Variants in ABCG8 observed in about 807,000 individuals in gnomAD.
ABCG8 encodes the protein ATP binding cassette subfamily G member 8, also known as ATP-binding cassette sub-family G member 8.
In ABCG8, 81 loss-of-function variants were observed where a neutral mutation model predicts 71.3. The ratio of observed to expected loss-of-function variants is 1.14; its 90% CI spans 0.95 to 1.37. The LOEUF is 1.37. Among genes scored for constraint, ABCG8 ranks in the 40% most tolerant of loss-of-function variants. The pLI is 0.00. For synonymous variants in ABCG8, 451 were observed against 354.7 expected (o/e 1.27, Z -3.05); for missense variants, 1,119 against 866.2 (o/e 1.29, Z -3.66).
At chr2:43,858,505 TCTCA>T (rs560744476) in intron 6 of ABCG8, among the ~76,000 whole-genome samples, 83 of 151,732 alleles carry the variant, frequency 5.5e-4, no homozygotes, top group African/African-American at 1.9e-3. Context: ...TGAATAGTAC[TCTCA>T]CTATCTATCT....
chr2:43,850,121 G>A (rs1446263081), intron 3 of ABCG8, among the ~76,000 whole-genome samples: 3 of 152,144 alleles, frequency 2.0e-5, no homozygotes, highest in Non-Finnish European at 4.4e-5. Flanking sequence ...CTACTCAGGA[G>A]GCTGAGGCAG....
intron 6 of ABCG8, among the ~76,000 whole-genome samples, chr2:43,863,742 C>T (rs1049085882): frequency 2.0e-5 from 3 of 151,596 alleles, no homozygotes; most frequent in Admixed American, 6.6e-5. Context: ...CTCTCACTAT[C>T]TGTCTGGATA....
At chr2:43,853,709 C>T (rs996616047) in intron 6 of ABCG8, among the ~76,000 whole-genome samples, 6 of 152,194 alleles carry the variant, frequency 3.9e-5, no homozygotes, top group Admixed American at 6.5e-5. Context: ...CCGGCCAGGC[C>T]AAGGCCATCT....
At chr2:43,839,392 T>C (rs1282155446) in intron 1 of ABCG8, among the ~76,000 whole-genome samples, 2 of 146,846 alleles carry the variant, frequency 1.4e-5, no homozygotes, top group East Asian at 2.0e-4. Flanking sequence ...TTTTCTTTTT[T>C]CTTTTCTTCT....
rs778687007 is a variant in ABCG8, at chr2:43,872,154, A to ACT, written c.1127+19_1127+20dup. 1 of 1,613,916 alleles carries ACT rather than the reference A, an allele frequency of 6.2e-7. No individual in the cohort carries two copies. The highest frequency in any genetic ancestry group is 8.5e-7 in the Non-Finnish European group (1 of 1,180,000). ...GTGTGGAAAGGTAAGGTGGCAGGCG[A>ACT]CTCTGAGAGGAGAGCTCCCTGCAGA... On this transcript the variant is annotated intron_variant, in intron 7 of 12. Transcript: ENST00000272286.
At chr2:43,855,270 C>T (rs1401231019) in intron 6 of ABCG8, among the ~76,000 whole-genome samples, 1 of 152,146 alleles carries the variant, frequency 6.6e-6, no homozygotes, top group Admixed American at 6.5e-5. Flanking sequence ...AGAATTCTCA[C>T]TCTCTGTATA....
At chr2:43,862,228 C>G (rs936674873) in intron 6 of ABCG8, among the ~76,000 whole-genome samples, 12 of 150,834 alleles carry the variant, frequency 8.0e-5, no homozygotes, top group East Asian at 1.9e-4. Context: ...AGAACTCTCA[C>G]TATCTGTCTG....
intron 6 of ABCG8, among the ~76,000 whole-genome samples, chr2:43,862,430 G>A (rs1396932733): frequency 1.4e-5 from 2 of 140,102 alleles, no homozygotes; most frequent in Non-Finnish European, 3.2e-5. Context: ...ATCACCAACT[G>A]TATAGAACTC....
chr2:43,846,373 G>A, intron 3 of ABCG8, 62 bp downstream of exon 3: 2 of 1,608,422 alleles, frequency 1.2e-6, no homozygotes, highest in Non-Finnish European at 1.7e-6. Context: ...TGGTCCTTTG[G>A]ACAAATGGAT....
chr2:43,873,189 A>ATTTT (rs71393209), intron 8 of ABCG8, among the ~76,000 whole-genome samples: 3 of 140,508 alleles, frequency 2.1e-5, no homozygotes, highest in African/African-American at 5.2e-5. Context: ...TTGAGCGTAC[A>ATTTT]TTTTTTTTTT....
At chr2:43,843,167 T>G (rs367725430) in intron 1 of ABCG8, among the ~76,000 whole-genome samples, 62 of 152,350 alleles carry the variant, frequency 4.1e-4, no homozygotes, top group African/African-American at 1.4e-3. Flanking sequence ...CGTAATCACC[T>G]GTCTCATCTG....
chr2:43,842,155 G>C (rs1264047864), intron 1 of ABCG8, among the ~76,000 whole-genome samples: 1 of 152,072 alleles, frequency 6.6e-6, no homozygotes, highest in Non-Finnish European at 1.5e-5. Flanking sequence ...GACTATAGGG[G>C]TGTGCCACCA....
At chr2:43,860,349 T>C (rs528012727) in intron 6 of ABCG8, among the ~76,000 whole-genome samples, 1 of 151,258 alleles carries the variant, frequency 6.6e-6, no homozygotes, top group South Asian at 2.1e-4. Flanking sequence ...GAACTCTCAC[T>C]ATTTGGATAG....
chr2:43,847,131 A>C (rs1668769919), intron 3 of ABCG8: 1 of 152,414 alleles, frequency 6.6e-6, no homozygotes, highest in African/African-American at 2.4e-5. Context: ...TGGTTTCATC[A>C]TTCTCGGATC....
intron 10 of ABCG8, 67 bp downstream of exon 10, chr2:43,874,550 G>A (rs544550480): frequency 6.3e-5 from 85 of 1,349,448 alleles, no homozygotes; most frequent in African/African-American, 4.4e-4. Context: ...TGGAGAAAAC[G>A]TTGCTACAAG....
chr2:43,862,822 T>G (rs1428756230), intron 6 of ABCG8, among the ~76,000 whole-genome samples: 1 of 150,508 alleles, frequency 6.6e-6, no homozygotes, highest in Admixed American at 6.6e-5. Flanking sequence ...TGGTTAGCAC[T>G]CTTACTAACT....
chr2:43,846,299 A>G lies in ABCG8; in HGVS notation c.310A>G (p.Ile104Val). The change falls in exon 3 of 13, where the codon ATA (isoleucine) becomes GTA (valine). Residue 104 changes from isoleucine to valine, a missense_variant. Ile to Val is a conservative substitution (Grantham distance 29, BLOSUM62 3). Coordinates refer to ENST00000272286, the MANE Select transcript of ABCG8 (RefSeq NM_022437.3). Reference sequence around the variant, plus strand: ...GAGAAGTGGGCAGATGCTGGCCATCATAGGGAGCTCAGGTACCGGAAAGGC... The same window carrying G: ...GAGAAGTGGGCAGATGCTGGCCATCGTAGGGAGCTCAGGTACCGGAAAGGC... ...KVRSGQMLAI[I>V]GSSGCGRASL... 6.2e-7 allele frequency: 1 copy of G among 1,614,198 alleles called. No individual in the cohort carries two copies. Among genetic ancestry groups the G allele is most frequent in the Non-Finnish European group, 8.5e-7 (1 of 1,180,030 alleles).
In ABCG8 at chr2:43,873,926, C is replaced by T. The variant is rs1316282855; in HGVS notation, c.1351C>T (p.Leu451Phe). Reference sequence around the variant, plus strand: ...GCTCTCCTTCATGGATACAGCCGCCCTCTTGTTCATGATCGGTGCTCTCAT... The same window carrying T: ...GCTCTCCTTCATGGATACAGCCGCCTTCTTGTTCATGATCGGTGCTCTCAT... ...IQLSFMDTAA[L>F]LFMIGALIPF... Residue 451 changes from leucine to phenylalanine, a missense_variant, in exon 9 of 13, where the codon CTC becomes TTC. Transcript: ENST00000272286. 8.1e-6 allele frequency: 13 copies of T among 1,614,154 alleles called. No individual in the cohort carries two copies. The highest frequency in any genetic ancestry group is 1.1e-5 in the Non-Finnish European group (13 of 1,180,026).
chr2:43,867,579 C>T (rs960120594), intron 6 of ABCG8, among the ~76,000 whole-genome samples: 18 of 151,884 alleles, frequency 1.2e-4, no homozygotes, highest in Non-Finnish European at 2.4e-4. Context: ...TTCTCACCAT[C>T]TGGATAGAGC....
Sources: allele counts gnomAD v4.1 joint callset (sites outside exome capture counted in the v4.1 genomes callset), GRCh38; gene constraint gnomAD v4.1.1; transcripts MANE v1.5; gene names NCBI Gene and HGNC (gene_info 2026-07-23, HGNC 2026-07-21).